LYPD6: variants seen among roughly 807,000 people sequenced by gnomAD.
The protein encoded by LYPD6 is ly6/PLAUR domain-containing protein 6.
In LYPD6, 15 loss-of-function variants were observed where a neutral mutation model predicts 22.7. The observed-to-expected ratio is 0.66, with a 90% confidence interval of 0.44 to 1.02. The LOEUF is 1.02. Among genes scored for constraint, LYPD6 ranks in the 50% least tolerant of loss-of-function variants. The pLI is 0.00. For synonymous variants in LYPD6, 72 were observed against 77.5 expected (o/e 0.93, Z 0.37); for missense variants, 189 against 208.4 (o/e 0.91, Z 0.57).
intron 1 of LYPD6, among the ~76,000 whole-genome samples, chr2:149,367,210 T>C (rs1681690390): frequency 6.6e-6 from 1 of 152,154 alleles, no homozygotes; most frequent in African/African-American, 2.4e-5. Context: ...CTGCAATCGG[T>C]TGTTAGCCAG....
intron 1 of LYPD6, among the ~76,000 whole-genome samples, chr2:149,434,510 A>G (rs367706689): frequency 6.6e-6 from 1 of 152,226 alleles, no homozygotes; most frequent in South Asian, 2.1e-4. Flanking sequence ...AAGATATAGT[A>G]TACATGACTT....
chr2:149,333,225 G>C (rs1680972132), intron 1 of LYPD6, among the ~76,000 whole-genome samples: 1 of 152,146 alleles, frequency 6.6e-6, no homozygotes. Flanking sequence ...AGAAGACATT[G>C]GTTAGAGAGA....
intron 1 of LYPD6, among the ~76,000 whole-genome samples, chr2:149,332,707 C>G (rs1326343269): frequency 6.6e-6 from 1 of 152,156 alleles, no homozygotes; most frequent in Non-Finnish European, 1.5e-5. Flanking sequence ...TTACCTACTT[C>G]TGATTTCTGC....
chr2:149,470,261 C>G (rs186013599), intron 4 of LYPD6, among the ~76,000 whole-genome samples: 2 of 152,186 alleles, frequency 1.3e-5, no homozygotes, highest in Non-Finnish European at 2.9e-5. Context: ...TTAAACCACC[C>G]GGGTTGTTGC....
chr2:149,408,812 C>T (rs1682787331), intron 1 of LYPD6, among the ~76,000 whole-genome samples: 1 of 152,112 alleles, frequency 6.6e-6, no homozygotes, highest in East Asian at 1.9e-4. Context: ...CCTTTTATAT[C>T]CCGTACCATG....
intron 1 of LYPD6, among the ~76,000 whole-genome samples, chr2:149,406,319 T>C (rs1158761462): frequency 6.6e-6 from 1 of 152,042 alleles, no homozygotes; most frequent in African/African-American, 2.4e-5. Flanking sequence ...ATCTGTCTAA[T>C]GTTGACAGTG....
chr2:149,355,679 T>A (rs1681436007), intron 1 of LYPD6, among the ~76,000 whole-genome samples: 1 of 152,178 alleles, frequency 6.6e-6, no homozygotes, highest in Non-Finnish European at 1.5e-5. Flanking sequence ...TGGCCAAATG[T>A]CATGGAGGTC....
intron 3 of LYPD6, among the ~76,000 whole-genome samples, chr2:149,455,525 T>C (rs1452536710): frequency 6.6e-6 from 1 of 152,196 alleles, no homozygotes; most frequent in African/African-American, 2.4e-5. Flanking sequence ...TCCAAAGTGC[T>C]GGGATTATAG....
intron 1 of LYPD6, among the ~76,000 whole-genome samples, chr2:149,391,370 C>T (rs897487644): frequency 2.6e-5 from 4 of 151,378 alleles, no homozygotes; most frequent in African/African-American, 9.8e-5. Flanking sequence ...TCCCTTTTTT[C>T]CCCCCCGATA....
rs538025662 is a variant in LYPD6 at position 149,414,647 on chromosome 2, G to T, written c.-71-22991G>T. Among the ~76,000 whole-genome samples, 3 of 152,194 alleles carry T rather than the reference G, an allele frequency of 2.0e-5. No individual in the cohort carries two copies. The South Asian group carries it at 6.2e-4, about 32-fold the overall frequency. On this transcript the variant is annotated intron_variant, in intron 1 of 4. Coordinates refer to ENST00000334166, the MANE Select transcript of LYPD6 (RefSeq NM_194317.5). ...TCATAACTAGCACAGGGCTTGGCCC[G>T]TATTGAATTCTCAGAAAATACTTCT...
intron 1 of LYPD6, among the ~76,000 whole-genome samples, chr2:149,387,057 C>A (rs542091135): frequency 1.3e-5 from 2 of 152,212 alleles, no homozygotes; most frequent in African/African-American, 4.8e-5. Context: ...CCATTGAGAC[C>A]AAGTGGAAAA....
intron 3 of LYPD6, among the ~76,000 whole-genome samples, chr2:149,452,078 A>T (rs970664106): frequency 6.6e-6 from 1 of 152,234 alleles, no homozygotes; most frequent in African/African-American, 2.4e-5. Flanking sequence ...TCCAGCATTG[A>T]AGAGAACATG....
At chr2:149,445,147 G>A (rs1188209521) in intron 2 of LYPD6, among the ~76,000 whole-genome samples, 2 of 152,142 alleles carry the variant, frequency 1.3e-5, no homozygotes, top group Non-Finnish European at 2.9e-5. Flanking sequence ...TTGCCAATGA[G>A]CAGTAGTATT....
intron 3 of LYPD6, among the ~76,000 whole-genome samples, chr2:149,461,949 G>A (rs1373250414): frequency 6.6e-6 from 1 of 151,960 alleles, no homozygotes; most frequent in African/African-American, 2.4e-5. Context: ...ATGCTTAATG[G>A]TAAAAGACTG....
At chr2:149,354,256 G>A (rs1681410385) in intron 1 of LYPD6, among the ~76,000 whole-genome samples, 1 of 152,116 alleles carries the variant, frequency 6.6e-6, no homozygotes, top group Non-Finnish European at 1.5e-5. Context: ...GACCCAGGCT[G>A]GAGTGCAGTG....
chr2:149,429,810 C>G (rs1402249103), intron 1 of LYPD6, among the ~76,000 whole-genome samples: 1 of 152,192 alleles, frequency 6.6e-6, no homozygotes, highest in Non-Finnish European at 1.5e-5. Flanking sequence ...CTGGGCAGCT[C>G]TCTTTTTTAT....
intron 1 of LYPD6, among the ~76,000 whole-genome samples, chr2:149,384,355 CA>C (rs1466485182): frequency 1.3e-5 from 2 of 152,152 alleles, no homozygotes; most frequent in East Asian, 3.9e-4. Flanking sequence ...GTAGAAAACT[CA>C]AATGACATCT....
rs73964422 is a variant in LYPD6, at chr2:149,419,120, A to G, written c.-71-18518A>G. ...CATGGAATGATTCTTTTCAAATAAT[A>G]TATCATTTTCAGCCATCAACTACAA... On this transcript the variant is annotated intron_variant, in intron 1 of 4. Transcript: ENST00000334166. Among the ~76,000 whole-genome samples the G allele has an allele frequency of 4.9e-3, 748 of 152,336 alleles. 6 individuals are homozygous for G. Among genetic ancestry groups the G allele is most frequent in the African/African-American group, 0.017 (703 of 41,570 alleles).
At chr2:149,361,940 A>C (rs1681578226) in intron 1 of LYPD6, among the ~76,000 whole-genome samples, 2 of 152,132 alleles carry the variant, frequency 1.3e-5, no homozygotes, top group Admixed American at 1.3e-4. Context: ...GAGAGGGGAT[A>C]GTCAGAAGAA....
Sources: gnomAD v4.1 joint callset for allele counts (sites outside exome capture counted in the v4.1 genomes callset) on GRCh38, gnomAD v4.1.1 for gene constraint, MANE v1.5 for transcripts, NCBI Gene and HGNC (gene_info 2026-07-23, HGNC 2026-07-21) for gene names.